GNG7: variants seen among roughly 807,000 people sequenced by gnomAD.
GNG7 encodes the protein guanine nucleotide-binding protein G(I)/G(S)/G(O) subunit gamma-7.
In GNG7, 1 loss-of-function variant was observed where a neutral mutation model predicts 4.0. That is an observed-to-expected ratio of 0.25 (90% confidence interval 0.09 to 1.18). GNG7 has a LOEUF of 1.18. Ranked by LOEUF, GNG7 falls within the 50% of genes most tolerant of loss-of-function variation. GNG7 has a pLI of 0.50. For synonymous variants in GNG7, 34 were observed against 36.9 expected (o/e 0.92, Z 0.29); for missense variants, 86 against 91.9 (o/e 0.94, Z 0.26).
At chr19:2,573,993 C>T (rs1366940023) in intron 2 of GNG7, among the ~76,000 whole-genome samples, 2 of 152,208 alleles carry the variant, frequency 1.3e-5, no homozygotes, top group South Asian at 2.1e-4. Context: ...CTGCGAGGTA[C>T]GGCCGGAGTT....
At chr19:2,677,739 C>T (rs1983629948) in intron 1 of GNG7, among the ~76,000 whole-genome samples, 1 of 152,106 alleles carries the variant, frequency 6.6e-6, no homozygotes, top group Admixed American at 6.5e-5. Context: ...GGGGTCTCAC[C>T]TGGGGGTGAT....
chr19:2,577,817 T>G (rs1980387799), intron 2 of GNG7, among the ~76,000 whole-genome samples: 1 of 151,544 alleles, frequency 6.6e-6, no homozygotes, highest in South Asian at 2.1e-4. Context: ...AGAACATCCC[T>G]ATATAAAATG....
intron 2 of GNG7, among the ~76,000 whole-genome samples, chr19:2,637,490 G>A (rs1396988785): frequency 6.6e-6 from 1 of 152,190 alleles, no homozygotes; most frequent in East Asian, 1.9e-4. Flanking sequence ...GCCCGCAGGA[G>A]CCAAAGCCGC....
At chr19:2,558,809 A>G (rs1221132761) in intron 2 of GNG7, among the ~76,000 whole-genome samples, 1 of 73,220 alleles carries the variant, frequency 1.4e-5, no homozygotes, top group Non-Finnish European at 3.1e-5. Flanking sequence ...TTTATTTATT[A>G]TTTTTTTTGG....
intron 3 of GNG7, among the ~76,000 whole-genome samples, chr19:2,551,923 G>A (rs940858799): frequency 7.2e-5 from 11 of 152,054 alleles, no homozygotes; most frequent in African/African-American, 2.7e-4. Context: ...GACCTCAGGC[G>A]ATCCACCCAC....
chr19:2,585,330 C>T (rs535366268), intron 2 of GNG7, among the ~76,000 whole-genome samples: 95 of 152,046 alleles, frequency 6.2e-4, no homozygotes, highest in African/African-American at 2.2e-3. Flanking sequence ...TATCTTTCTG[C>T]GTATATATAG....
chr19:2,519,236 C>T (rs1205178696), intron 4 of GNG7, among the ~76,000 whole-genome samples: 3 of 149,734 alleles, frequency 2.0e-5, no homozygotes, highest in African/African-American at 7.4e-5. Flanking sequence ...CTGCAACCTC[C>T]ACCTCCCAGG....
intron 1 of GNG7, among the ~76,000 whole-genome samples, chr19:2,690,480 T>A (rs1913112772): frequency 1.3e-5 from 2 of 152,282 alleles, no homozygotes; most frequent in South Asian, 4.1e-4. Flanking sequence ...CCAAGGGCGG[T>A]GGTTACTGAC....
chr19:2,680,708 T>C (rs1983710247), intron 1 of GNG7, among the ~76,000 whole-genome samples: 1 of 151,716 alleles, frequency 6.6e-6, no homozygotes, highest in South Asian at 2.1e-4. Context: ...CCTAAGTAGC[T>C]AGGATTACAG....
chr19:2,520,652 G>A lies in GNG7; in HGVS notation c.37C>T (p.Leu13=). Residue 13 remains leucine (L), a synonymous_variant, in exon 4 of 5, where the codon CTG becomes TTG. Transcript: ENST00000382159. The part of the protein sequence containing the change: ...ATNNIAQARK[L]VEQLRIEAGI... ...GCTTCTATGCGTAGCTGTTCCACCA[G>A]CTTCCGGGCCTGGGCTATGTTGTTA... 1 of 1,553,174 alleles carries A rather than the reference G, an allele frequency of 6.4e-7. No individual in the cohort carries two copies. Among genetic ancestry groups the A allele is most frequent in the Non-Finnish European group, 8.7e-7 (1 of 1,145,956 alleles).
intron 1 of GNG7, among the ~76,000 whole-genome samples, chr19:2,677,707 C>G (rs1421290410): frequency 6.6e-6 from 1 of 152,156 alleles, no homozygotes; most frequent in East Asian, 1.9e-4. Flanking sequence ...TCTTGGGGAT[C>G]TGTGGAATCC....
rs1169401944 is a variant in GNG7, at chr19:2,557,411, C to T, written c.-77-2223G>A. ...CGCAGGAGCGAGCGCCTCCACCCAG[C>T]CCTGCATCTGAAGCAAGGTCCTGCT... is the stretch of plus-strand genomic sequence containing the variant. On this transcript the variant is annotated intron_variant, in intron 2 of 4. Transcript: ENST00000382159. The surrounding 1 kb of genome is among the most constrained non-coding windows in gnomAD (Gnocchi z 5.1). 6.6e-6 allele frequency among the ~76,000 whole-genome samples: 1 copy of T among 152,178 alleles called. No homozygotes were observed. Among genetic ancestry groups the T allele is most frequent in the Non-Finnish European group, 1.5e-5 (1 of 68,032 alleles).
At chr19:2,627,537 C>A (rs188416098) in intron 2 of GNG7, among the ~76,000 whole-genome samples, 1 of 152,248 alleles carries the variant, frequency 6.6e-6, no homozygotes, top group Non-Finnish European at 1.5e-5. Context: ...CCCAGGCGTG[C>A]CAGCCAGACC....
chr19:2,611,948 A>C lies in GNG7; in HGVS notation c.-78+34276T>G, dbSNP rs547208826. The C allele has an allele frequency of 6.6e-6, 1 of 151,612 alleles. No homozygotes were observed. Among genetic ancestry groups the C allele is most frequent in the Non-Finnish European group, 1.5e-5 (1 of 67,964 alleles). The allele number at this position is 151,612 out of a possible 1,614,324, so 9.4% of individuals were successfully genotyped here. On this transcript the variant is annotated intron_variant, in intron 2 of 4. Coordinates refer to ENST00000382159, the MANE Select transcript of GNG7 (RefSeq NM_052847.3). This position sits in a 1 kb window ranked among gnomAD's most constrained non-coding sequence, Gnocchi z 6.0. ...AAGTGCAGTAGTGTGATCTCAGCTC[A>C]CTGCAACCTCCGCCTCCCGAGTTTA...
chr19:2,662,058 G>A (rs751817641), intron 1 of GNG7, among the ~76,000 whole-genome samples: 1 of 152,110 alleles, frequency 6.6e-6, no homozygotes, highest in Admixed American at 6.6e-5. Context: ...TCAGGAGTTT[G>A]AGACCAGCGT....
chr19:2,535,435 GGT>G (rs1978705661), intron 3 of GNG7, among the ~76,000 whole-genome samples: 1 of 151,622 alleles, frequency 6.6e-6, no homozygotes. Flanking sequence ...AGGAAGTGGA[GGT>G]TGCAGTGAGC....
At chr19:2,595,358 C>T (rs1980985936) in intron 2 of GNG7, 2 of 151,748 alleles carry the variant, frequency 1.3e-5, no homozygotes, top group South Asian at 4.1e-4. Context: ...GAACTCCTGA[C>T]CTCAGTTGAT....
In GNG7 at chr19:2,614,204, G is replaced by A. The variant is rs774902342; in HGVS notation, c.-78+32020C>T. Reference sequence around the variant, plus strand: ...CGGGAAGAGAGTTCCCCCAGCTACAGCCTGAGCATGGTCGCCAGAAAGCAG... The same window carrying A: ...CGGGAAGAGAGTTCCCCCAGCTACAACCTGAGCATGGTCGCCAGAAAGCAG... On this transcript the variant is annotated intron_variant, in intron 2 of 4. Coordinates refer to ENST00000382159, the MANE Select transcript of GNG7 (RefSeq NM_052847.3). This position sits in a 1 kb window ranked among gnomAD's most constrained non-coding sequence, Gnocchi z 6.0. Among the ~76,000 whole-genome samples the A allele has an allele frequency of 1.3e-5, 2 of 152,160 alleles. No homozygotes were observed. Among genetic ancestry groups the A allele is most frequent in the Non-Finnish European group, 2.9e-5 (2 of 68,020 alleles).
chr19:2,539,827 C>G (rs938909152), intron 3 of GNG7, among the ~76,000 whole-genome samples: 13 of 151,954 alleles, frequency 8.6e-5, no homozygotes, highest in South Asian at 2.1e-4. Flanking sequence ...ATCGCAGGAA[C>G]TCACACCTCT....
Sources: allele counts gnomAD v4.1 joint callset (sites outside exome capture counted in the v4.1 genomes callset), GRCh38; gene constraint gnomAD v4.1.1; non-coding constraint Gnocchi (gnomAD v3.1); transcripts MANE v1.5; gene names NCBI Gene and HGNC (gene_info 2026-07-23, HGNC 2026-07-21).